Variants in SCFD2 observed in about 807,000 individuals in gnomAD.
SCFD2 encodes the protein sec1 family domain containing 2, also known as sec1 family domain-containing protein 2.
SCFD2 carries 54 observed loss-of-function variants against 58.9 expected under a neutral mutation model. That is an observed-to-expected ratio of 0.92 (90% CI 0.74 to 1.15). The LOEUF (loss-of-function observed/expected upper bound fraction) is 1.15. Among genes scored for constraint, SCFD2 ranks in the 50% most tolerant of loss-of-function variants. The pLI is 0.00. For missense variants in SCFD2, 805 were observed against 836.6 expected, an observed-to-expected ratio of 0.96 and a Z score of 0.47; for synonymous variants, 321 against 335.9, an observed-to-expected ratio of 0.96 and a Z score of 0.49.
chr4:53,170,395 T>A (rs1169994750), intron 4 of SCFD2, among the ~76,000 whole-genome samples: 1 of 152,216 alleles, frequency 6.6e-6, no homozygotes, highest in Non-Finnish European at 1.5e-5. Flanking sequence ...CATCAATGTA[T>A]CTATTTTTAG....
At position 53,365,436 on chromosome 4, in the gene SCFD2, A is replaced by T; in HGVS notation, c.506T>A (p.Leu169Ter). Residue 169 changes from leucine (L) to a stop codon, truncating the protein, a stop_gained, in exon 1 of 9, where the codon TTG (leucine) becomes TAG (stop). Transcript: ENST00000401642. LOFTEE classifies it high-confidence loss of function. The surrounding 1 kb of genome is among the most constrained non-coding windows in gnomAD (Gnocchi z 4.3). ...GAAAAGGGATGCAAAAGCTGGAGTC[A>T]AGGCAAAGTGGGGAGCAACAGGGGC... ...LLAPVAPHFA[L>*]TPAFASLFPL... is the part of the protein sequence containing the mutation. The T allele has an allele frequency of 6.2e-7, 1 of 1,614,198 alleles. No individual in the cohort carries two copies. The highest frequency in any genetic ancestry group is 8.5e-7 in the Non-Finnish European group (1 of 1,180,038).
intron 5 of SCFD2, among the ~76,000 whole-genome samples, chr4:52,960,405 G>A (rs1242262405): frequency 7.1e-6 from 1 of 141,706 alleles, no homozygotes; most frequent in East Asian, 2.1e-4. Flanking sequence ...TTTCGCTCTT[G>A]TTGCCCAGGC....
chr4:53,095,241 C>T (rs1236810283), intron 5 of SCFD2, among the ~76,000 whole-genome samples: 1 of 152,084 alleles, frequency 6.6e-6, no homozygotes, highest in Non-Finnish European at 1.5e-5. Flanking sequence ...CAGCATGCCC[C>T]AAAGTGAACT....
chr4:53,212,246 G>T (rs1728636524), intron 4 of SCFD2, among the ~76,000 whole-genome samples: 1 of 151,966 alleles, frequency 6.6e-6, no homozygotes, highest in African/African-American at 2.4e-5. Context: ...AGTCGGTAAA[G>T]TTAACCATAC....
At chr4:52,907,924 G>C (rs1453035320) in intron 6 of SCFD2, among the ~76,000 whole-genome samples, 1 of 152,160 alleles carries the variant, frequency 6.6e-6, no homozygotes, top group Non-Finnish European at 1.5e-5. Context: ...GAGAAACAAA[G>C]TACTGTTGTT....
chr4:53,132,170 A>G (rs28571997), intron 5 of SCFD2, among the ~76,000 whole-genome samples: 3,081 of 152,372 alleles, frequency 0.02, 119 homozygotes, highest in African/African-American at 0.07. Context: ...AGCTCTAAGT[A>G]TCTTTCTACA....
At chr4:53,291,876 G>A (rs1731852792) in intron 3 of SCFD2, among the ~76,000 whole-genome samples, 1 of 152,020 alleles carries the variant, frequency 6.6e-6, no homozygotes, top group Non-Finnish European at 1.5e-5. Context: ...ACAAGCAATG[G>A]GGAAAGGATT....
At chr4:53,284,005 G>C (rs1387213380) in intron 3 of SCFD2, among the ~76,000 whole-genome samples, 1 of 151,050 alleles carries the variant, frequency 6.6e-6, no homozygotes, top group Non-Finnish European at 1.5e-5. Context: ...TGTAGTCCCA[G>C]CTACTCGGGA....
intron 5 of SCFD2, among the ~76,000 whole-genome samples, chr4:53,005,887 G>C (rs550026725): frequency 3.0e-4 from 45 of 152,234 alleles, no homozygotes; most frequent in African/African-American, 1.1e-3. Context: ...ATACTTCATT[G>C]TACTAACTGG....
At chr4:53,043,759 C>T (rs577662974) in intron 5 of SCFD2, among the ~76,000 whole-genome samples, 5 of 151,910 alleles carry the variant, frequency 3.3e-5, no homozygotes, top group East Asian at 1.9e-4. Flanking sequence ...TTGGGTACTT[C>T]GGTATTATTT....
At chr4:52,896,773 T>C (rs1325250134) in intron 7 of SCFD2, among the ~76,000 whole-genome samples, 1 of 152,250 alleles carries the variant, frequency 6.6e-6, no homozygotes, top group Non-Finnish European at 1.5e-5. Flanking sequence ...TTTCACGATA[T>C]TGATTCTTCT....
At chr4:53,354,032 C>T (rs1225803568) in intron 1 of SCFD2, among the ~76,000 whole-genome samples, 2 of 152,252 alleles carry the variant, frequency 1.3e-5, no homozygotes, top group African/African-American at 2.4e-5. Context: ...TAGTGGATCA[C>T]GCGCCAGGGC....
chr4:52,918,470 A>G (rs1185472629), intron 6 of SCFD2, among the ~76,000 whole-genome samples: 1 of 152,206 alleles, frequency 6.6e-6, no homozygotes, highest in Non-Finnish European at 1.5e-5. Context: ...TACATCTGTA[A>G]TTTAAAAATA....
chr4:52,890,538 A>G (rs935197527), intron 7 of SCFD2, among the ~76,000 whole-genome samples: 1 of 152,236 alleles, frequency 6.6e-6, no homozygotes, highest in African/African-American at 2.4e-5. Flanking sequence ...TCAGCCATAC[A>G]TGACTGAGTC....
intron 4 of SCFD2, among the ~76,000 whole-genome samples, chr4:53,212,141 T>C (rs1728631881): frequency 2.6e-5 from 4 of 152,114 alleles, no homozygotes; most frequent in Admixed American, 2.6e-4. Flanking sequence ...CCTCTATTCC[T>C]TCTGCTGGGG....
intron 5 of SCFD2, among the ~76,000 whole-genome samples, chr4:53,089,293 C>T (rs576083608): frequency 4.5e-4 from 69 of 152,184 alleles, no homozygotes; most frequent in Non-Finnish European, 8.7e-4. Context: ...TAGACTGTTA[C>T]CTGATATATG....
intron 4 of SCFD2, among the ~76,000 whole-genome samples, chr4:53,223,362 G>A (rs766031026): frequency 6.6e-6 from 1 of 152,164 alleles, no homozygotes; most frequent in East Asian, 1.9e-4. Context: ...AACTCTGAAG[G>A]AACTGTTATA....
At chr4:53,084,098 T>C (rs1365644767) in intron 5 of SCFD2, among the ~76,000 whole-genome samples, 1 of 151,908 alleles carries the variant, frequency 6.6e-6, no homozygotes, top group Non-Finnish European at 1.5e-5. Flanking sequence ...TTTACCAGGG[T>C]GGAGTTTTTC....
intron 1 of SCFD2, among the ~76,000 whole-genome samples, chr4:53,358,687 C>G (rs1196823063): frequency 1.3e-5 from 2 of 152,136 alleles, no homozygotes; most frequent in African/African-American, 4.8e-5. Context: ...GCAAAACACT[C>G]TAGCCAATCT....
Sources: allele counts gnomAD v4.1 joint callset (sites outside exome capture counted in the v4.1 genomes callset), GRCh38; gene constraint gnomAD v4.1.1; non-coding constraint Gnocchi (gnomAD v3.1); transcripts MANE v1.5; gene names NCBI Gene and HGNC (gene_info 2026-07-23, HGNC 2026-07-21).